The following HSPA4L variants were observed in gnomAD, a reference collection of about 807,000 sequenced individuals.
HSPA4L encodes the protein heat shock 70 kDa protein 4L.
Under a neutral mutation model 100.3 loss-of-function variants are expected in HSPA4L, and 48 were observed. The ratio of observed to expected loss-of-function variants is 0.48; its 90% CI spans 0.38 to 0.61. HSPA4L has a LOEUF of 0.61. Ranked by LOEUF, HSPA4L falls within the 20% of genes least tolerant of loss-of-function variation. The pLI, the probability that HSPA4L is intolerant of heterozygous loss-of-function variation, is 0.00. For synonymous variants in HSPA4L, 319 were observed against 328.2 expected, an observed-to-expected ratio of 0.97 and a Z score of 0.30; for missense variants, 886 against 988.6, an observed-to-expected ratio of 0.90 and a Z score of 1.39.
In HSPA4L at chr4:127,782,365, C is replaced by A. The variant is rs1317183604; in HGVS notation, c.-186C>A. The A allele has an allele frequency of 5.1e-6, 3 of 584,104 alleles. No homozygotes were observed. The highest frequency in any genetic ancestry group is 5.7e-5 in the Admixed American group (2 of 35,250). The allele number at this position is 584,104 out of a possible 1,614,324, so 36.2% of individuals were successfully genotyped here. A position where few individuals can be genotyped will look rare whatever the true frequency, so the allele number is the denominator to read the frequency against. On this transcript the variant is annotated 5_prime_UTR_variant, in exon 1 of 19. Coordinates refer to ENST00000296464, the MANE Select transcript of HSPA4L (RefSeq NM_014278.4). Reference sequence around the variant, plus strand: ...CTGCGGGACGCGGTGCAGGCTGCGGCGCTGACGGCCTCTGCTCCTTCCGCG... The same window carrying A: ...CTGCGGGACGCGGTGCAGGCTGCGGAGCTGACGGCCTCTGCTCCTTCCGCG...
At position 127,835,551 on chromosome 4, in the gene HSPA4L, A is replaced by C. The variant is rs1734184048; in HGVS notation, c.*2677A>C. ...ACCCTGTCTCTACTAAAAATACAAA[A>C]AAGTAGCCGGGCGTGGTGGCATGTC... On this transcript the variant is annotated 3_prime_UTR_variant, in exon 19 of 19. Coordinates refer to ENST00000296464, the MANE Select transcript of HSPA4L (RefSeq NM_014278.4). 6.6e-6 allele frequency: 1 copy of C among 151,732 alleles called. No homozygotes were observed. Among genetic ancestry groups the C allele is most frequent in the South Asian group, 2.1e-4 (1 of 4,788 alleles). The allele number at this position is 151,732 out of a possible 1,614,324, so 9.4% of individuals were successfully genotyped here.
At chr4:127,804,928 T>A (rs1733307723) in intron 8 of HSPA4L, 145 bp from the exon 9 acceptor site, 1 of 558,598 alleles carries the variant, frequency 1.8e-6, no homozygotes, top group Non-Finnish European at 3.2e-6. Flanking sequence ...TATTAAATGT[T>A]ATATCTTTCT....
intron 1 of HSPA4L, among the ~76,000 whole-genome samples, chr4:127,793,206 C>G (rs1434962541): frequency 6.6e-6 from 1 of 152,166 alleles, no homozygotes; most frequent in African/African-American, 2.4e-5. Context: ...ATGTCTATTT[C>G]TGCAAGACAA....
chr4:127,810,656 G>A (rs1275855695), intron 11 of HSPA4L, among the ~76,000 whole-genome samples: 3 of 152,092 alleles, frequency 2.0e-5, no homozygotes, highest in Non-Finnish European at 4.4e-5. Context: ...CTACTTGAAC[G>A]CTGAGGTGGG....
intron 1 of HSPA4L, among the ~76,000 whole-genome samples, chr4:127,784,226 A>G (rs1732649200): frequency 1.3e-5 from 2 of 152,220 alleles, no homozygotes. Flanking sequence ...ATAGAGAAAA[A>G]ACTGAGAGGT....
intron 9 of HSPA4L, 101 bp from the exon 10 acceptor site, chr4:127,805,586 A>G (rs1011695390): frequency 1.1e-5 from 9 of 793,726 alleles, no homozygotes; most frequent in Non-Finnish European, 1.7e-5. Context: ...TTTAAAATGT[A>G]ACAGTTGTAA....
intron 11 of HSPA4L, chr4:127,809,261 C>G: frequency 7.1e-7 from 1 of 1,402,060 alleles, no homozygotes. Flanking sequence ...TTATGCAGAA[C>G]CAGTCTTCAA....
chr4:127,800,736 A>G (rs1733152340), intron 4 of HSPA4L, among the ~76,000 whole-genome samples: 1 of 152,156 alleles, frequency 6.6e-6, no homozygotes, highest in African/African-American at 2.4e-5. Context: ...ATTCAGATCT[A>G]CCTGATTCTT....
At chr4:127,798,746 T>C in intron 4 of HSPA4L, 37 bp downstream of exon 4, 2 of 1,589,908 alleles carry the variant, frequency 1.3e-6, no homozygotes, top group Non-Finnish European at 1.7e-6. Context: ...CCTTGAATTA[T>C]ATTTTACAGT....
chr4:127,800,473 GA>G (rs1205689272), intron 4 of HSPA4L, among the ~76,000 whole-genome samples: 5 of 150,734 alleles, frequency 3.3e-5, no homozygotes, highest in Non-Finnish European at 7.4e-5. Flanking sequence ...GTCTCTTTCA[GA>G]AAAAAAAATT....
chr4:127,822,675 C>A, intron 14 of HSPA4L, 94 bp from the exon 15 acceptor site: 1 of 1,160,210 alleles, frequency 8.6e-7, no homozygotes, highest in Non-Finnish European at 1.2e-6. Flanking sequence ...GTATTGTAAT[C>A]ATCCTAGTGA....
intron 17 of HSPA4L, 38 bp downstream of exon 17, chr4:127,827,462 G>T (rs776722283): frequency 6.2e-7 from 1 of 1,610,588 alleles, no homozygotes; most frequent in African/African-American, 1.3e-5. Context: ...ACGATGGCAT[G>T]TGCATGGTAC....
intron 4 of HSPA4L, among the ~76,000 whole-genome samples, chr4:127,800,406 TGCAGTGA>T (rs1733143239): frequency 6.6e-6 from 1 of 152,110 alleles, no homozygotes; most frequent in Admixed American, 6.6e-5. Context: ...AGTTTAAAGC[TGCAGTGA>T]GCTATGATTG....
chr4:127,830,146 C>CT (rs1734042614), intron 17 of HSPA4L, among the ~76,000 whole-genome samples: 1 of 152,216 alleles, frequency 6.6e-6, no homozygotes, highest in South Asian at 2.1e-4. Context: ...ATTGCCATTT[C>CT]TTTGTGATTC....
intron 3 of HSPA4L, 82 bp downstream of exon 3, chr4:127,795,990 A>T (rs1733010999): frequency 7.1e-7 from 1 of 1,416,218 alleles, no homozygotes; most frequent in East Asian, 2.3e-5. Flanking sequence ...TTGTAGTTTG[A>T]CCTTTTTCCT....
intron 3 of HSPA4L, among the ~76,000 whole-genome samples, chr4:127,797,217 A>G: frequency 6.6e-6 from 1 of 152,200 alleles, no homozygotes; most frequent in East Asian, 1.9e-4. Context: ...GATAGTAACA[A>G]CTGAGATAAA....
chr4:127,825,105 A>G (rs1171704763), intron 16 of HSPA4L, among the ~76,000 whole-genome samples: 2 of 151,184 alleles, frequency 1.3e-5, no homozygotes, highest in Admixed American at 1.3e-4. Context: ...GCGCCACTGC[A>G]CTCCAGCCTG....
At chr4:127,786,970 A>G (rs1669318127) in intron 1 of HSPA4L, among the ~76,000 whole-genome samples, 1 of 152,228 alleles carries the variant, frequency 6.6e-6, no homozygotes, top group African/African-American at 2.4e-5. Flanking sequence ...TCTGTAATTA[A>G]TACTTTGTAA....
At chr4:127,812,996 G>A (rs1251881588) in intron 12 of HSPA4L, 15 of 825,266 alleles carry the variant, frequency 1.8e-5, no homozygotes, top group Non-Finnish European at 2.9e-5. Flanking sequence ...ACAGCATGCT[G>A]GGTAACATTG....
Sources: gnomAD v4.1 joint callset for allele counts (sites outside exome capture counted in the v4.1 genomes callset) on GRCh38, gnomAD v4.1.1 for gene constraint, MANE v1.5 for transcripts, NCBI Gene and HGNC (gene_info 2026-07-23, HGNC 2026-07-21) for gene names.